FSTL5: variants seen among roughly 807,000 people sequenced by gnomAD.
FSTL5 encodes follistatin-related protein 5.
In FSTL5, 62 loss-of-function variants were observed where a neutral mutation model predicts 89.1. The ratio of observed to expected loss-of-function variants is 0.70; its 90% CI spans 0.57 to 0.86. The LOEUF (loss-of-function observed/expected upper bound fraction) is 0.86. Ranked by LOEUF, FSTL5 falls within the 40% of genes least tolerant of loss-of-function variation. The pLI is 0.00. For synonymous variants in FSTL5, 383 were observed against 346.2 expected, an observed-to-expected ratio of 1.11 and a Z score of -1.18; for missense variants, 1,057 against 1,001.6, an observed-to-expected ratio of 1.06 and a Z score of -0.75.
chr4:161,876,093 A>C (rs1310048351), intron 4 of FSTL5, among the ~76,000 whole-genome samples: 1 of 152,210 alleles, frequency 6.6e-6, no homozygotes, highest in Non-Finnish European at 1.5e-5. Context: ...TTGCAAATTA[A>C]ATGTTGATAA....
chr4:161,860,145 G>T lies in FSTL5; in HGVS notation c.409+60259C>A, dbSNP rs368978765. ...CTACTAAAAATACAAAAAATTAGCCGGGCGTGGTGGCGGGCGCCTGTAGTC... is the reference window on the plus strand; with the variant it reads ...CTACTAAAAATACAAAAAATTAGCCTGGCGTGGTGGCGGGCGCCTGTAGTC... On this transcript the variant is annotated intron_variant, in intron 4 of 15. Coordinates refer to ENST00000306100, the MANE Select transcript of FSTL5 (RefSeq NM_020116.5). Among the ~76,000 whole-genome samples the T allele has an allele frequency of 2.8e-4, 42 of 152,062 alleles. No homozygotes were observed. The East Asian group carries it at 5.3e-3, about 19-fold the overall frequency.
intron 8 of FSTL5, among the ~76,000 whole-genome samples, chr4:161,578,316 T>G (rs149814440): frequency 0.01 from 1,579 of 152,062 alleles, 23 homozygotes; most frequent in Admixed American, 0.043. Context: ...AAAATAAATT[T>G]AGGAAAAAGA....
chr4:162,035,672 G>A (rs540296802), intron 2 of FSTL5, among the ~76,000 whole-genome samples: 4 of 152,000 alleles, frequency 2.6e-5, no homozygotes, highest in Non-Finnish European at 5.9e-5. Flanking sequence ...TTCTCAGGGG[G>A]TAATATTATC....
At chr4:161,571,346 G>T (rs1733000920) in intron 8 of FSTL5, among the ~76,000 whole-genome samples, 1 of 151,844 alleles carries the variant, frequency 6.6e-6, no homozygotes, top group Admixed American at 6.6e-5. Flanking sequence ...AAACCCCACA[G>T]AAAAATATAG....
chr4:162,045,224 T>C (rs1738125364), intron 2 of FSTL5, among the ~76,000 whole-genome samples: 1 of 152,142 alleles, frequency 6.6e-6, no homozygotes, highest in Admixed American at 6.6e-5. Context: ...GAGGCCATTG[T>C]ATGGTTATTA....
At chr4:161,984,194 CTA>C (rs1735902451) in intron 3 of FSTL5, among the ~76,000 whole-genome samples, 1 of 151,886 alleles carries the variant, frequency 6.6e-6, no homozygotes, top group Non-Finnish European at 1.5e-5. Flanking sequence ...ATGGGTTTCT[CTA>C]TACTTTTTTA....
intron 6 of FSTL5, among the ~76,000 whole-genome samples, chr4:161,674,118 A>G (rs1479017770): frequency 6.6e-6 from 1 of 152,084 alleles, no homozygotes; most frequent in Non-Finnish European, 1.5e-5. Context: ...AGTGTTTTTA[A>G]AAACATATTT....
At chr4:161,984,762 A>C (rs1165740134) in intron 3 of FSTL5, among the ~76,000 whole-genome samples, 1 of 152,140 alleles carries the variant, frequency 6.6e-6, no homozygotes, top group African/African-American at 2.4e-5. Flanking sequence ...ATCTAAAATT[A>C]AGGTAAAAAT....
intron 3 of FSTL5, among the ~76,000 whole-genome samples, chr4:161,928,007 G>A (rs1057498499): frequency 1.1e-4 from 16 of 151,612 alleles, no homozygotes; most frequent in African/African-American, 3.1e-4. Context: ...GTGGTACTTC[G>A]TTAATATCCA....
At position 162,105,763 on chromosome 4, in the gene FSTL5, G is replaced by A. The variant is rs192211414; in HGVS notation, c.126+5508C>T. On this transcript the variant is annotated intron_variant, in intron 2 of 15. Transcript: ENST00000306100. ...CAACTAATATTCTTTTAACTCCTCTGACCGAGGACATATTTGCTCTCAGAT... is the reference window on the plus strand; with the variant it reads ...CAACTAATATTCTTTTAACTCCTCTAACCGAGGACATATTTGCTCTCAGAT... Among the ~76,000 whole-genome samples, 175 of 152,008 alleles carry A rather than the reference G, an allele frequency of 1.2e-3. 1 individual carries two copies. Among genetic ancestry groups the A allele is most frequent in the African/African-American group, 4.0e-3 (166 of 41,462 alleles).
chr4:161,569,784 CACACACACACA>C (rs1732941025), intron 8 of FSTL5, among the ~76,000 whole-genome samples: 12 of 151,690 alleles, frequency 7.9e-5, no homozygotes, highest in Non-Finnish European at 2.9e-5. Flanking sequence ...CACACACACA[CACACACACACA>C]CACACCCCAC....
At chr4:161,398,626 C>G (rs1350873894) in intron 15 of FSTL5, among the ~76,000 whole-genome samples, 1 of 151,972 alleles carries the variant, frequency 6.6e-6, no homozygotes, top group Admixed American at 6.6e-5. Flanking sequence ...TATGTTTTAA[C>G]TAAATGAAAT....
At chr4:161,522,531 C>T (rs1166201005) in intron 10 of FSTL5, among the ~76,000 whole-genome samples, 2 of 151,260 alleles carry the variant, frequency 1.3e-5, no homozygotes, top group African/African-American at 4.8e-5. Context: ...ATATATTTTG[C>T]TAATATATAT....
At chr4:161,496,642 G>C (rs1207796383) in intron 12 of FSTL5, among the ~76,000 whole-genome samples, 2 of 152,070 alleles carry the variant, frequency 1.3e-5, no homozygotes, top group Non-Finnish European at 2.9e-5. Context: ...GTAGATTTTG[G>C]ACTTAGGACT....
At chr4:161,693,569 T>A (rs1300668401) in intron 6 of FSTL5, among the ~76,000 whole-genome samples, 1 of 152,008 alleles carries the variant, frequency 6.6e-6, no homozygotes, top group Non-Finnish European at 1.5e-5. Flanking sequence ...TTTCTAGAAA[T>A]TTGTCCATTT....
chr4:161,775,497 G>A (rs572372803), intron 5 of FSTL5, among the ~76,000 whole-genome samples: 4 of 152,074 alleles, frequency 2.6e-5, no homozygotes, highest in African/African-American at 7.2e-5. Flanking sequence ...TCAGTTGTTC[G>A]GTAGTGCCCT....
intron 2 of FSTL5, among the ~76,000 whole-genome samples, chr4:162,082,831 T>C (rs2111337497): frequency 6.7e-6 from 1 of 148,734 alleles, no homozygotes; most frequent in South Asian, 2.1e-4. Context: ...TTTTTTTTTT[T>C]GGAGACAAGG....
intron 2 of FSTL5, among the ~76,000 whole-genome samples, chr4:162,078,797 C>A (rs938484115): frequency 6.6e-6 from 1 of 151,690 alleles, no homozygotes; most frequent in Admixed American, 6.6e-5. Context: ...GTCACAGGCA[C>A]AAAACATCTG....
At chr4:161,425,644 T>C (rs1450777012) in intron 15 of FSTL5, among the ~76,000 whole-genome samples, 1 of 152,168 alleles carries the variant, frequency 6.6e-6, no homozygotes, top group East Asian at 1.9e-4. Flanking sequence ...GAGAGAAGAA[T>C]AGCACAGAAA....
Sources: gnomAD v4.1 joint callset for allele counts (sites outside exome capture counted in the v4.1 genomes callset) on GRCh38, gnomAD v4.1.1 for gene constraint, MANE v1.5 for transcripts, NCBI Gene and HGNC (gene_info 2026-07-23, HGNC 2026-07-21) for gene names.